PCDH9: variants seen among roughly 807,000 people sequenced by gnomAD.
The protein encoded by PCDH9 is protocadherin-9.
In PCDH9, 24 loss-of-function variants were observed where a neutral mutation model predicts 70.6. The observed-to-expected ratio is 0.34, with a 90% CI of 0.25 to 0.48. PCDH9 has a LOEUF of 0.48. Ranked by LOEUF, PCDH9 falls within the 20% of genes least tolerant of loss-of-function variation. PCDH9 has a pLI of 0.99. For missense variants in PCDH9, 1,281 were observed against 1,503.6 expected, an observed-to-expected ratio of 0.85 and a Z score of 2.45; for synonymous variants, 562 against 558.5, an observed-to-expected ratio of 1.01 and a Z score of -0.09.
chr13:67,007,175 A>G (rs1399101674), intron 2 of PCDH9, among the ~76,000 whole-genome samples: 1 of 152,140 alleles, frequency 6.6e-6, no homozygotes, highest in Non-Finnish European at 1.5e-5. Context: ...AAAACTTCCA[A>G]AACACCAGTG....
chr13:66,318,296 C>T lies in PCDH9; in HGVS notation c.3341-13268G>A, dbSNP rs775022498. Among the ~76,000 whole-genome samples, 6 of 151,984 alleles carry T rather than the reference C, an allele frequency of 3.9e-5. No homozygotes were observed. The East Asian group carries it at 5.8e-4, about 15-fold the overall frequency. Reference sequence around the variant, plus strand: ...TGCAATCTTTTCTGCTCTGTTATTGCCAATCATCAACTGCTATTTTTTGAC... The same window carrying T: ...TGCAATCTTTTCTGCTCTGTTATTGTCAATCATCAACTGCTATTTTTTGAC... On this transcript the variant is annotated intron_variant, in intron 4 of 4. Transcript: ENST00000377865.
At chr13:66,952,863 T>C (rs920601794) in intron 2 of PCDH9, among the ~76,000 whole-genome samples, 1 of 152,170 alleles carries the variant, frequency 6.6e-6, no homozygotes, top group African/African-American at 2.4e-5. Flanking sequence ...ATACTGTACC[T>C]GTCACCCTCC....
At chr13:66,579,552 C>T (rs754620872) in intron 4 of PCDH9, among the ~76,000 whole-genome samples, 7 of 151,934 alleles carry the variant, frequency 4.6e-5, no homozygotes, top group East Asian at 1.9e-4. Flanking sequence ...TCTGATACCA[C>T]GGTGTGATGG....
chr13:66,620,554 TTATC>T (rs1436358084), intron 4 of PCDH9, among the ~76,000 whole-genome samples: 1 of 152,192 alleles, frequency 6.6e-6, no homozygotes, highest in Non-Finnish European at 1.5e-5. Flanking sequence ...AAGTATCACT[TTATC>T]TATAGAATCT....
intron 4 of PCDH9, among the ~76,000 whole-genome samples, chr13:66,512,303 T>TATATATATATATATACAC (rs1491228217): frequency 2.0e-5 from 3 of 146,378 alleles, no homozygotes; most frequent in African/African-American, 7.5e-5. Flanking sequence ...TATATATATA[T>TATATATATATATATACAC]ACACAATAAG....
intron 3 of PCDH9, among the ~76,000 whole-genome samples, chr13:66,826,274 T>C (rs2080822036): frequency 1.3e-5 from 2 of 152,218 alleles, no homozygotes; most frequent in South Asian, 2.1e-4. Flanking sequence ...AGACTGCTTA[T>C]CAAAAATATC....
At chr13:66,684,439 GT>G (rs2078371423) in intron 3 of PCDH9, among the ~76,000 whole-genome samples, 1 of 152,152 alleles carries the variant, frequency 6.6e-6, no homozygotes, top group Admixed American at 6.5e-5. Flanking sequence ...ATCCCCATGT[GT>G]TGTAGGAAGA....
chr13:66,550,975 G>T (rs1432689707), intron 4 of PCDH9, among the ~76,000 whole-genome samples: 1 of 152,078 alleles, frequency 6.6e-6, no homozygotes, highest in African/African-American at 2.4e-5. Context: ...TCTCAATTGA[G>T]GGAAAGCAAA....
chr13:67,000,013 C>T (rs2084205998), intron 2 of PCDH9, among the ~76,000 whole-genome samples: 1 of 152,082 alleles, frequency 6.6e-6, no homozygotes, highest in Admixed American at 6.6e-5. Context: ...AATCATGCCG[C>T]TATAAAGACA....
chr13:67,082,253 C>G (rs1361452361), intron 2 of PCDH9, among the ~76,000 whole-genome samples: 1 of 152,188 alleles, frequency 6.6e-6, no homozygotes, highest in African/African-American at 2.4e-5. Context: ...CCTACTTCCT[C>G]CTGCTCCCAG....
chr13:66,519,587 A>T (rs540398478), intron 4 of PCDH9, among the ~76,000 whole-genome samples: 7 of 152,248 alleles, frequency 4.6e-5, no homozygotes, highest in African/African-American at 1.4e-4. Context: ...CTAAGATTTT[A>T]TGAGTCTATG....
chr13:67,164,830 T>C (rs2088065302), intron 2 of PCDH9, among the ~76,000 whole-genome samples: 3 of 152,132 alleles, frequency 2.0e-5, no homozygotes, highest in African/African-American at 7.2e-5. Flanking sequence ...CATCTTCACA[T>C]ACAGGAACTT....
intron 4 of PCDH9, among the ~76,000 whole-genome samples, chr13:66,433,957 A>G (rs1409127125): frequency 6.6e-6 from 1 of 151,910 alleles, no homozygotes; most frequent in African/African-American, 2.4e-5. Context: ...CTTGAAACCA[A>G]TAAAACAATC....
intron 2 of PCDH9, among the ~76,000 whole-genome samples, chr13:67,010,947 AT>A (rs2084440581): frequency 6.6e-6 from 1 of 151,988 alleles, no homozygotes; most frequent in African/African-American, 2.4e-5. Flanking sequence ...TTTCACAGAC[AT>A]TGTGATATTT....
At position 66,398,178 on chromosome 13, in the gene PCDH9, A is replaced by G. The variant is rs17081237; in HGVS notation, c.3341-93150T>C. ...ATATACCTCAGAATTTAAACAAAAC[A>G]TGGAGTGAGAATTGTAGCTTTAAGA... On this transcript the variant is annotated intron_variant, in intron 4 of 4. Coordinates refer to ENST00000377865, the MANE Select transcript of PCDH9 (RefSeq NM_203487.3). Among the ~76,000 whole-genome samples, 738 of 152,210 alleles carry G rather than the reference A, an allele frequency of 4.8e-3. 7 individuals are homozygous for G. Among genetic ancestry groups the G allele is most frequent in the African/African-American group, 0.017 (712 of 41,558 alleles).
chr13:66,656,470 GA>G (rs571786433), intron 3 of PCDH9, among the ~76,000 whole-genome samples: 3,738 of 149,708 alleles, frequency 0.025, 151 homozygotes, highest in African/African-American at 0.084. Flanking sequence ...TTTCATAAAG[GA>G]AAAAAAAAAT....
intron 4 of PCDH9, among the ~76,000 whole-genome samples, chr13:66,449,178 T>C (rs78669905): frequency 1.2e-3 from 188 of 152,284 alleles, no homozygotes; most frequent in African/African-American, 4.5e-3. Flanking sequence ...TGCTTTTATA[T>C]TAAATACCCA....
intron 4 of PCDH9, among the ~76,000 whole-genome samples, chr13:66,335,577 G>A (rs547781212): frequency 2.6e-5 from 4 of 151,982 alleles, no homozygotes; most frequent in Non-Finnish European, 5.9e-5. Flanking sequence ...TCTTATTTTG[G>A]CAAAGAATAA....
intron 2 of PCDH9, among the ~76,000 whole-genome samples, chr13:67,169,761 C>A (rs2088225748): frequency 6.6e-6 from 1 of 152,164 alleles, no homozygotes; most frequent in East Asian, 1.9e-4. Context: ...AATAAAGCTT[C>A]TACTAACCAA....
Sources: allele counts gnomAD v4.1 joint callset (sites outside exome capture counted in the v4.1 genomes callset), GRCh38; gene constraint gnomAD v4.1.1; transcripts MANE v1.5; gene names NCBI Gene and HGNC (gene_info 2026-07-23, HGNC 2026-07-21).